Variants in NXPE4 observed in about 807,000 individuals in gnomAD.
The protein encoded by NXPE4 is neurexophilin and PC-esterase domain family member 4.
A neutral mutation model predicts 33.3 loss-of-function variants in NXPE4; 42 were observed. That is an observed-to-expected ratio of 1.26 (90% CI 0.98 to 1.63). NXPE4 has a LOEUF of 1.63. Ranked by LOEUF, NXPE4 falls within the 40% of genes most tolerant of loss-of-function variation. The pLI is 0.00. For missense variants in NXPE4, 709 were observed against 647.6 expected (o/e 1.09, Z -1.03); for synonymous variants, 253 against 234.9 (o/e 1.08, Z -0.71).
At chr11:114,629,247 T>G in the NXPE4 span, among the ~76,000 whole-genome samples, 92 of 152,218 alleles carry the variant, frequency 6.0e-4, 1 homozygote, top group African/African-American at 2.1e-3. Flanking sequence ...ATATCCTTGA[T>G]GAACATTGAT....
chr11:114,598,041 G>C (rs1949597398), upstream of NXPE4, among the ~76,000 whole-genome samples: 1 of 152,042 alleles, frequency 6.6e-6, no homozygotes. Context: ...AATCAAGTTA[G>C]TTACTTCCAA....
At chr11:114,633,674 C>T in the NXPE4 span, among the ~76,000 whole-genome samples, 3 of 143,850 alleles carry the variant, frequency 2.1e-5, no homozygotes, top group African/African-American at 7.6e-5. Flanking sequence ...TCCATGTGTT[C>T]TCATTGTTCA....
intron 2 of NXPE4, among the ~76,000 whole-genome samples, chr11:114,592,008 G>A (rs897588408): frequency 6.6e-6 from 1 of 152,038 alleles, no homozygotes; most frequent in Admixed American, 6.5e-5. Flanking sequence ...AACAAATTAG[G>A]CATGGAAGAA....
At chr11:114,675,463 G>C in the NXPE4 span, among the ~76,000 whole-genome samples, 1 of 151,700 alleles carries the variant, frequency 6.6e-6, no homozygotes, top group Non-Finnish European at 1.5e-5. Flanking sequence ...TAAAGTTGCA[G>C]GATACAAAAT....
the NXPE4 span, among the ~76,000 whole-genome samples, chr11:114,601,868 T>C: frequency 2.5e-4 from 1 of 3,986 alleles, no homozygotes; most frequent in Non-Finnish European, 3.3e-4. Flanking sequence ...TATACAATTA[T>C]ATATATTATA....
chr11:114,602,221 T>G, the NXPE4 span, among the ~76,000 whole-genome samples: 1 of 107,044 alleles, frequency 9.3e-6, no homozygotes, highest in Non-Finnish European at 1.7e-5. Flanking sequence ...CAATATATGT[T>G]ATAGATTATA....
At position 114,587,054 on chromosome 11, in the gene NXPE4, C is replaced by A. The variant is rs1002779516; in HGVS notation, c.97-4033G>T. 1.3e-5 allele frequency among the ~76,000 whole-genome samples: 2 copies of A among 152,132 alleles called. 1 individual carries two copies. The highest frequency in any genetic ancestry group is 6.3e-3 in the Middle Eastern group (2 of 316). On this transcript the variant is annotated intron_variant, in intron 2 of 5. Transcript: ENST00000375478. The stretch of plus-strand genomic sequence containing the variant: ...AGCATCACCTAGTGGAACGGGAACC[C>A]TATTCCATGAGGCATATTGTTGGCC...
the NXPE4 span, among the ~76,000 whole-genome samples, chr11:114,621,830 T>C: frequency 0.67 from 101,886 of 151,890 alleles, 34,438 homozygotes; most frequent in African/African-American, 0.75. Context: ...CACTGTTACC[T>C]GCTGGAAAAT....
the NXPE4 span, among the ~76,000 whole-genome samples, chr11:114,609,046 C>G: frequency 1.2e-3 from 158 of 133,224 alleles, no homozygotes; most frequent in African/African-American, 4.4e-3. Flanking sequence ...CTGGTGGATA[C>G]TAAGTATTGC....
chr11:114,611,611 C>T, the NXPE4 span, among the ~76,000 whole-genome samples: 3 of 151,586 alleles, frequency 2.0e-5, no homozygotes, highest in Non-Finnish European at 4.4e-5. Flanking sequence ...CAATTCTTAC[C>T]CTGTGGAAAA....
the NXPE4 span, among the ~76,000 whole-genome samples, chr11:114,620,008 G>A: frequency 6.6e-6 from 1 of 152,006 alleles, no homozygotes; most frequent in Admixed American, 6.6e-5. Context: ...TGCCTCGTGG[G>A]TAACCATTGT....
At chr11:114,631,248 C>T in the NXPE4 span, among the ~76,000 whole-genome samples, 28 of 151,852 alleles carry the variant, frequency 1.8e-4, no homozygotes, top group East Asian at 2.3e-3. Context: ...GCATTATTCA[C>T]AATAGCAAAG....
At chr11:114,573,078 A>G (rs1948925827) in intron 5 of NXPE4, among the ~76,000 whole-genome samples, 1 of 152,188 alleles carries the variant, frequency 6.6e-6, no homozygotes, top group Non-Finnish European at 1.5e-5. Context: ...AAACAAAAAA[A>G]TTATCAGTCA....
At chr11:114,628,060 CG>C in the NXPE4 span, among the ~76,000 whole-genome samples, 3 of 150,146 alleles carry the variant, frequency 2.0e-5, no homozygotes, top group Non-Finnish European at 4.4e-5. Flanking sequence ...GACTCCCACA[CG>C]TTAATAATGG....
In NXPE4 at chr11:114,594,672, A is replaced by G. The variant is rs774745312; in HGVS notation, c.88T>C (p.Ser30Pro). 6.3e-6 allele frequency: 10 copies of G among 1,593,196 alleles called. No homozygotes were observed. The African/African-American group carries it at 1.3e-4, about 21-fold the overall frequency. ...AATAAAGCATTTCCTACCTTTGTGG[A>G]GTTCTGGAAAACTGTAAAAATGATC... ...SWIIFTVFQN[S>P]TKVWSALNLS... The change falls in exon 2 of 6, where the codon TCC becomes CCC. Residue 30 changes from serine (S) to proline (P), a missense_variant. Coordinates refer to ENST00000375478, the MANE Select transcript of NXPE4 (RefSeq NM_001077639.2).
At chr11:114,627,586 T>C in the NXPE4 span, among the ~76,000 whole-genome samples, 4 of 150,954 alleles carry the variant, frequency 2.6e-5, no homozygotes, top group African/African-American at 9.8e-5. Flanking sequence ...TAAAGACCAT[T>C]GAGACTAGGA....
intron 2 of NXPE4, among the ~76,000 whole-genome samples, chr11:114,593,041 G>A (rs998234731): frequency 5.9e-5 from 9 of 152,196 alleles, no homozygotes; most frequent in African/African-American, 1.9e-4. Flanking sequence ...ATGAATTAAA[G>A]ACTGATATGC....
the NXPE4 span, among the ~76,000 whole-genome samples, chr11:114,638,789 A>T: frequency 3.3e-5 from 5 of 151,880 alleles, no homozygotes; most frequent in Non-Finnish European, 7.4e-5. Flanking sequence ...GATTTTCGTG[A>T]ACCGTGAATG....
At chr11:114,597,342 T>C (rs998506149), upstream of NXPE4, among the ~76,000 whole-genome samples, 9 of 152,144 alleles carry the variant, frequency 5.9e-5, no homozygotes, top group Admixed American at 4.6e-4. Flanking sequence ...GAAATCTGAA[T>C]GATATTAACC....
Sources: gnomAD v4.1 joint callset for allele counts (sites outside exome capture counted in the v4.1 genomes callset) on GRCh38, gnomAD v4.1.1 for gene constraint, MANE v1.5 for transcripts, NCBI Gene and HGNC (gene_info 2026-07-23, HGNC 2026-07-21) for gene names.